CHL1: variants seen among roughly 807,000 people sequenced by gnomAD.
CHL1 encodes neural cell adhesion molecule L1-like protein.
A neutral mutation model predicts 141.9 loss-of-function variants in CHL1; 96 were observed. That is an observed-to-expected ratio of 0.68 (90% CI 0.57 to 0.80). The LOEUF is 0.80. Among genes scored for constraint, CHL1 ranks in the 30% least tolerant of loss-of-function variants. The pLI, the probability that CHL1 is intolerant of heterozygous loss-of-function variation, is 0.00. For missense variants in CHL1, 1,820 were observed against 1,457.2 expected (o/e 1.25, Z -4.05); for synonymous variants, 613 against 502.2 (o/e 1.22, Z -2.95).
intron 7 of CHL1, 104 bp from the exon 8 acceptor site, chr3:342,880 T>A (rs1439104491): frequency 1.2e-6 from 1 of 829,602 alleles, no homozygotes; most frequent in Non-Finnish European, 1.9e-6. Flanking sequence ...TGGTTCTACA[T>A]CATTTTGTAA....
intron 15 of CHL1, among the ~76,000 whole-genome samples, chr3:377,171 A>G (rs1233311414): frequency 6.6e-6 from 1 of 152,236 alleles, no homozygotes; most frequent in Non-Finnish European, 1.5e-5. Context: ...CAGTTTTCTC[A>G]TAGTAAACCT....
At chr3:232,218 A>G (rs1701928017) in intron 1 of CHL1, among the ~76,000 whole-genome samples, 1 of 152,174 alleles carries the variant, frequency 6.6e-6, no homozygotes, top group Admixed American at 6.5e-5. Context: ...GCATGTCATT[A>G]CACATTATTA....
intron 2 of CHL1, among the ~76,000 whole-genome samples, chr3:314,128 C>T (rs1699966194): frequency 6.6e-6 from 1 of 151,502 alleles, no homozygotes; most frequent in African/African-American, 2.4e-5. Context: ...AGCAGGCATT[C>T]TCAAGATTTT....
At chr3:231,791 G>A (rs1362723891) in intron 1 of CHL1, among the ~76,000 whole-genome samples, 3 of 151,772 alleles carry the variant, frequency 2.0e-5, no homozygotes, top group Non-Finnish European at 1.5e-5. Flanking sequence ...TGGCTAGGCT[G>A]GTCTCAAACT....
At chr3:343,258 A>G (rs543477032) in intron 8 of CHL1, among the ~76,000 whole-genome samples, 1 of 152,304 alleles carries the variant, frequency 6.6e-6, no homozygotes, top group South Asian at 2.1e-4. Context: ...CTTATATATA[A>G]TGCATTGAAT....
chr3:284,850 G>C (rs967674094), intron 2 of CHL1, among the ~76,000 whole-genome samples: 1 of 151,902 alleles, frequency 6.6e-6, no homozygotes, highest in African/African-American at 2.4e-5. Context: ...TGTGCTATGA[G>C]TACGTGGATT....
At chr3:382,829 C>G (rs1408092454) in intron 18 of CHL1, 158 bp downstream of exon 18, 1 of 659,132 alleles carries the variant, frequency 1.5e-6, no homozygotes, top group Non-Finnish European at 2.6e-6. Context: ...TCAAAGCACA[C>G]AAGTTTCAGA....
In CHL1 at chr3:378,035, C is replaced by T. The variant is rs1393821626; in HGVS notation, c.1876+93C>T. 3.3e-5 allele frequency: 37 copies of T among 1,115,292 alleles called. No homozygotes were observed. The Admixed American group carries it at 1.0e-3, about 31-fold the overall frequency. The allele number at this position is 1,115,292 out of a possible 1,614,324, so 69.1% of individuals were successfully genotyped here. On this transcript the variant is annotated intron_variant, in intron 16 of 27. Coordinates refer to ENST00000256509, the MANE Select transcript of CHL1 (RefSeq NM_006614.4). ...CCAATAAAGCTAATGATTCTTTGAG[C>T]CCCTGCACATATATTGTTAGTTTCA...
intron 1 of CHL1, chr3:198,194 G>GATCTACACTA: frequency 5.7e-6 from 1 of 175,900 alleles, no homozygotes; most frequent in Admixed American, 6.2e-5. Context: ...CGGCGGCGGA[G>GATCTACACTA]GGCAGGTGTG....
intron 4 of CHL1, among the ~76,000 whole-genome samples, chr3:327,715 C>T (rs958095864): frequency 6.6e-6 from 1 of 151,782 alleles, no homozygotes; most frequent in South Asian, 2.1e-4. Flanking sequence ...ATTATATATT[C>T]AGTGTGGTCT....
Position 382,546 on chromosome 3 carries a change from A to C in CHL1, c.2051A>C (p.Lys684Thr). ...RWEELTRVQG[K>T]KTTVILPLAP... ...GAGGAACTGACCAGAGTCCAAGGAA[A>C]GAAAACCACAGTTATCTTACCTTTG... is the stretch of plus-strand genomic sequence containing the variant. Residue 684 changes from lysine (K) to threonine (T), a missense_variant, in exon 18 of 28, where the codon AAG becomes ACG. Lys to Thr is a moderately conservative substitution (Grantham distance 78). Coordinates refer to ENST00000256509, the MANE Select transcript of CHL1 (RefSeq NM_006614.4). The C allele has an allele frequency of 6.2e-7, 1 of 1,613,990 alleles. No individual in the cohort carries two copies. The highest frequency in any genetic ancestry group is 8.5e-7 in the Non-Finnish European group (1 of 1,179,908).
intron 7 of CHL1, among the ~76,000 whole-genome samples, chr3:342,707 A>G (rs183839566): frequency 1.3e-5 from 2 of 152,306 alleles, no homozygotes; most frequent in East Asian, 1.9e-4. Flanking sequence ...TTTTATGTGT[A>G]GATATGCCAT....
chr3:244,494 G>A (rs761703210), intron 1 of CHL1, 119 bp from the exon 2 acceptor site: 2 of 151,948 alleles, frequency 1.3e-5, no homozygotes, highest in African/African-American at 2.4e-5. Context: ...AAATTTTGAG[G>A]GGTGTGGGGA....
intron 2 of CHL1, among the ~76,000 whole-genome samples, chr3:294,324 T>C (rs548718247): frequency 3.9e-4 from 60 of 152,172 alleles, no homozygotes; most frequent in East Asian, 1.4e-3. Context: ...TGTCTCAAAA[T>C]AAATAGGTAC....
At chr3:379,060 C>G (rs1472694550) in intron 16 of CHL1, among the ~76,000 whole-genome samples, 1 of 152,084 alleles carries the variant, frequency 6.6e-6, no homozygotes, top group Non-Finnish European at 1.5e-5. Flanking sequence ...TATCATATGT[C>G]TACATTAATC....
intron 15 of CHL1, among the ~76,000 whole-genome samples, chr3:377,208 TAA>T (rs912049076): frequency 6.6e-6 from 1 of 152,172 alleles, no homozygotes; most frequent in Non-Finnish European, 1.5e-5. Flanking sequence ...AAACAAATGA[TAA>T]AAAGTGAGGT....
In CHL1 at chr3:365,983, C is replaced by G; in HGVS notation, c.1619C>G (p.Pro540Arg). ...AAACTTAGAGTTTCTCCTAAGAATC[C>G]TCGTATCCCCAAATTGCATATGCTT... The part of the protein sequence containing the change: ...ATKLRVSPKN[P>R]RIPKLHMLEL... The change falls in exon 15 of 28, where the codon CCT becomes CGT. Residue 540 changes from proline (P) to arginine (R), a missense_variant. By Grantham distance (103) the Pro-to-Arg change is moderately radical. Coordinates refer to ENST00000256509, the MANE Select transcript of CHL1 (RefSeq NM_006614.4). 1 of 1,613,308 alleles carries G rather than the reference C, an allele frequency of 6.2e-7. No homozygotes were observed. The highest frequency in any genetic ancestry group is 8.5e-7 in the Non-Finnish European group (1 of 1,179,520).
intron 2 of CHL1, among the ~76,000 whole-genome samples, chr3:264,936 C>T (rs554818189): frequency 1.6e-4 from 24 of 152,302 alleles, no homozygotes; most frequent in African/African-American, 4.8e-4. Context: ...GAAAGAACTA[C>T]AGGAGAGCCA....
At chr3:226,178 G>A (rs1701327787) in intron 1 of CHL1, among the ~76,000 whole-genome samples, 1 of 149,634 alleles carries the variant, frequency 6.7e-6, no homozygotes, top group African/African-American at 2.4e-5. Flanking sequence ...GCACCACTAT[G>A]CCCAGCTAAT....
Sources: gnomAD v4.1 joint callset for allele counts (sites outside exome capture counted in the v4.1 genomes callset) on GRCh38, gnomAD v4.1.1 for gene constraint, MANE v1.5 for transcripts, NCBI Gene and HGNC (gene_info 2026-07-23, HGNC 2026-07-21) for gene names.